ATP1A1: variants seen among roughly 807,000 people sequenced by gnomAD.
ATP1A1 encodes the protein sodium/potassium-transporting ATPase subunit alpha-1.
Under a neutral mutation model 114.8 loss-of-function variants are expected in ATP1A1, and 14 were observed. That is an observed-to-expected ratio of 0.12 (90% CI 0.08 to 0.19). The LOEUF (loss-of-function observed/expected upper bound fraction) is 0.19. Ranked by LOEUF, ATP1A1 falls within the 10% of genes least tolerant of loss-of-function variation. The probability of loss-of-function intolerance (pLI) is 1.00; values close to 1 mark genes in which losing one functional copy is unlikely to be tolerated. For synonymous variants in ATP1A1, 471 were observed against 466.3 expected, an observed-to-expected ratio of 1.01 and a Z score of -0.13; for missense variants, 524 against 1,290.7, an observed-to-expected ratio of 0.41 and a Z score of 9.10.
intron 1 of ATP1A1, among the ~76,000 whole-genome samples, chr1:116,376,769 CAAAAAACAAACCAAAACA>C (rs1259306737): frequency 3.3e-5 from 5 of 150,426 alleles, no homozygotes; most frequent in Admixed American, 1.3e-4. Context: ...CCTGAGAGCC[CAAAAAACAAACCAAAACA>C]AAAAAACAAA....
intron 18 of ATP1A1, among the ~76,000 whole-genome samples, chr1:116,400,253 T>C (rs1369803314): frequency 2.0e-5 from 3 of 152,196 alleles, no homozygotes; most frequent in East Asian, 3.8e-4. Context: ...CATTAGACAG[T>C]TGTTGGCAAC....
intron 1 of ATP1A1, chr1:116,374,287 A>C (rs1304918348): frequency 6.4e-7 from 1 of 1,551,636 alleles, no homozygotes; most frequent in Admixed American, 2.0e-5. Context: ...TAAACACAGG[A>C]TGCACCGATG....
intron 1 of ATP1A1, among the ~76,000 whole-genome samples, chr1:116,377,885 A>G (rs1246899338): frequency 2.0e-5 from 3 of 152,258 alleles, no homozygotes; most frequent in Non-Finnish European, 4.4e-5. Context: ...TGTCCAGTAC[A>G]TGATAATGTG....
In ATP1A1 at chr1:116,398,517, A is replaced by G; in HGVS notation, c.2125-104A>G. On this transcript the variant is annotated intron_variant, in intron 15 of 22. Coordinates refer to ENST00000295598, the MANE Select transcript of ATP1A1 (RefSeq NM_000701.8). The surrounding 1 kb of genome is among the most constrained non-coding windows in gnomAD (Gnocchi z 6.1). ...GCTTCATAAATAGTCTCAATAGGAA[A>G]GGAGCAGTGTCTGTAATGAGTGCTC... The G allele has an allele frequency of 7.2e-7, 1 of 1,382,726 alleles. No individual in the cohort carries two copies. The highest frequency in any genetic ancestry group is 9.9e-7 in the Non-Finnish European group (1 of 1,010,458). The allele number at this position is 1,382,726 out of a possible 1,614,324, so 85.7% of individuals were successfully genotyped here. A position where few individuals can be genotyped will look rare whatever the true frequency, so the allele number is the denominator to read the frequency against.
Position 116,389,094 on chromosome 1 carries a change from C to T in ATP1A1, c.754+75C>T. On this transcript the variant is annotated intron_variant, in intron 7 of 22. Coordinates refer to ENST00000295598, the MANE Select transcript of ATP1A1 (RefSeq NM_000701.8). This position sits in a 1 kb window ranked among gnomAD's most constrained non-coding sequence, Gnocchi z 6.9. ...ATTAACAAAATCAAAACCATAGGCA[C>T]AATCTCTTGTTTTATTGGCTCCATT... The T allele has an allele frequency of 7.6e-7, 1 of 1,322,648 alleles. No individual in the cohort carries two copies. Among genetic ancestry groups the T allele is most frequent in the Non-Finnish European group, 1.1e-6 (1 of 925,844 alleles). The allele number at this position is 1,322,648 out of a possible 1,614,324, so 81.9% of individuals were successfully genotyped here. A position where few individuals can be genotyped will look rare whatever the true frequency, so the allele number is the denominator to read the frequency against.
In ATP1A1 at chr1:116,398,970, T is replaced by C. The variant is rs1287088858; in HGVS notation, c.2334T>C (p.Tyr778=). The change falls in exon 17 of 23, where the codon TAT becomes TAC. Residue 778 remains tyrosine (Y), a synonymous_variant. Transcript: ENST00000295598. This position sits in a 1 kb window ranked among gnomAD's most constrained non-coding sequence, Gnocchi z 6.1. The part of the protein sequence containing the change: ...IFDNLKKSIA[Y]TLTSNIPEIT... ...ATAACTTGAAGAAATCCATTGCTTA[T>C]ACCTTAACCAGTAACATTCCCGAGA... 6.2e-7 allele frequency: 1 copy of C among 1,614,228 alleles called. No individual in the cohort carries two copies. The highest frequency in any genetic ancestry group is 1.1e-5 in the South Asian group (1 of 91,080).
chr1:116,399,396 T>A lies in ATP1A1; in HGVS notation c.2449-24T>A, dbSNP rs140757717. ...AGCTTCCTTATTTTTAGTAACTAAA[T>A]TCCTTCTCCCCACCCCTTCCCAGGT... On this transcript the variant is annotated intron_variant, in intron 17 of 22. Transcript: ENST00000295598. This position sits in a 1 kb window ranked among gnomAD's most constrained non-coding sequence, Gnocchi z 5.0. The A allele has an allele frequency of 5.9e-3, 9,544 of 1,606,388 alleles. 40 individuals carry two copies. The highest frequency in any genetic ancestry group is 7.1e-3 in the Non-Finnish European group (8,368 of 1,177,498).
chr1:116,384,740 A>G lies in ATP1A1; in HGVS notation c.124-43A>G. On this transcript the variant is annotated intron_variant, in intron 2 of 22. Transcript: ENST00000295598. This position sits in a 1 kb window ranked among gnomAD's most constrained non-coding sequence, Gnocchi z 5.1. ...GCTATTTTTTCTGTCATTTTTTTAT[A>G]CTACACTGTTTAACTATTTTCTTTG... 1.3e-6 allele frequency: 2 copies of G among 1,509,756 alleles called. No individual in the cohort carries two copies. Among genetic ancestry groups the G allele is most frequent in the Non-Finnish European group, 1.8e-6 (2 of 1,102,628 alleles). 93.5% of individuals were successfully genotyped at this position (1,509,756 alleles called of 1,614,324 possible).
At chr1:116,394,020 T>G (rs1038707279) in intron 12 of ATP1A1, among the ~76,000 whole-genome samples, 1 of 151,944 alleles carries the variant, frequency 6.6e-6, no homozygotes, top group South Asian at 2.1e-4. Flanking sequence ...AAAAAAAAAA[T>G]GGTGGAAGAA....
chr1:116,401,316 G>T lies in ATP1A1; in HGVS notation c.2849+56G>T. ...GCTCAAAGAAGGGGACTGGTGATTT[G>T]TAAACCCTTTGCCAAAAACTAAACA... On this transcript the variant is annotated intron_variant, in intron 20 of 22. Transcript: ENST00000295598. This position sits in a 1 kb window ranked among gnomAD's most constrained non-coding sequence, Gnocchi z 4.7. 1 of 1,607,410 alleles carries T rather than the reference G, an allele frequency of 6.2e-7. No homozygotes were observed. Among genetic ancestry groups the T allele is most frequent in the Non-Finnish European group, 8.5e-7 (1 of 1,174,552 alleles).
Position 116,384,905 on chromosome 1 carries a change from T to TA in ATP1A1, c.183+64dup, listed in dbSNP as rs759618511. ...GTTTTCCGTATTATATTTTCCCCTG[T>TA]ATTACATACAGGTCTAACCTCAGGG... is the stretch of plus-strand genomic sequence containing the variant. On this transcript the variant is annotated intron_variant, in intron 3 of 22. Coordinates refer to ENST00000295598, the MANE Select transcript of ATP1A1 (RefSeq NM_000701.8). The surrounding 1 kb of genome is among the most constrained non-coding windows in gnomAD (Gnocchi z 5.1). 2.0e-6 allele frequency: 3 copies of TA among 1,532,716 alleles called. No homozygotes were observed. The highest frequency in any genetic ancestry group is 1.8e-6 in the Non-Finnish European group (2 of 1,106,658). The allele number at this position is 1,532,716 out of a possible 1,614,324, so 94.9% of individuals were successfully genotyped here.
chr1:116,373,827 G>T, intron 1 of ATP1A1: 1 of 1,244,600 alleles, frequency 8.0e-7, no homozygotes, highest in Non-Finnish European at 1.0e-6. Context: ...TCCGAGAGGC[G>T]GTGCTTGGGA....
At chr1:116,378,518 T>C (rs1651516774) in intron 1 of ATP1A1, among the ~76,000 whole-genome samples, 1 of 152,214 alleles carries the variant, frequency 6.6e-6, no homozygotes, top group South Asian at 2.1e-4. Flanking sequence ...GGCCTTGCTG[T>C]GTAGATCGGT....
intron 1 of ATP1A1, among the ~76,000 whole-genome samples, chr1:116,378,293 A>T (rs913790198): frequency 2.0e-5 from 3 of 152,214 alleles, no homozygotes; most frequent in Non-Finnish European, 4.4e-5. Flanking sequence ...GAATCTCTTT[A>T]TCTGGTTTTA....
intron 1 of ATP1A1, among the ~76,000 whole-genome samples, chr1:116,375,589 A>AGCT (rs1275127369): frequency 1.3e-5 from 2 of 152,214 alleles, no homozygotes; most frequent in Non-Finnish European, 2.9e-5. Flanking sequence ...TGGGATGATG[A>AGCT]GCTGCTTGGC....
At chr1:116,376,963 A>G (rs1031962459) in intron 1 of ATP1A1, among the ~76,000 whole-genome samples, 1 of 152,234 alleles carries the variant, frequency 6.6e-6, no homozygotes, top group South Asian at 2.1e-4. Flanking sequence ...GCTCCATGCC[A>G]GTACCCTCAG....
intron 1 of ATP1A1, chr1:116,374,331 G>A: frequency 1.3e-6 from 2 of 1,544,410 alleles, no homozygotes; most frequent in Non-Finnish European, 1.8e-6. Context: ...GTGGGGAGAG[G>A]CGTGCAGATT....
intron 1 of ATP1A1, chr1:116,374,354 A>T: frequency 6.7e-7 from 1 of 1,499,528 alleles, no homozygotes; most frequent in East Asian, 2.5e-5. Flanking sequence ...TTTTGAAGGG[A>T]CGAGCCCTGA....
intron 1 of ATP1A1, chr1:116,373,859 G>A (rs1651164260): frequency 7.9e-7 from 1 of 1,267,304 alleles, no homozygotes. Flanking sequence ...CGGGAGGAGG[G>A]GGCTTGCAGC....
Sources: allele counts gnomAD v4.1 joint callset (sites outside exome capture counted in the v4.1 genomes callset), GRCh38; gene constraint gnomAD v4.1.1; non-coding constraint Gnocchi (gnomAD v3.1); transcripts MANE v1.5; gene names NCBI Gene and HGNC (gene_info 2026-07-23, HGNC 2026-07-21).